TRPV1: variants seen among roughly 807,000 people sequenced by gnomAD.
TRPV1 encodes the protein OTRPC1.
TRPV1 carries 82 observed loss-of-function variants against 82.3 expected under a neutral mutation model. The ratio of observed to expected loss-of-function variants is 1.00; its 90% CI spans 0.83 to 1.20. The LOEUF (loss-of-function observed/expected upper bound fraction) is 1.20. TRPV1 is among the 50% of genes most tolerant of loss of function. The pLI is 0.00. For missense variants in TRPV1, 1,067 were observed against 1,096.8 expected (o/e 0.97, Z 0.38); for synonymous variants, 515 against 467.7 (o/e 1.10, Z -1.30).
In TRPV1 at chr17:3,577,715, G is replaced by C; in HGVS notation, c.1596C>G (p.Ser532Arg). 6.3e-7 allele frequency: 1 copy of C among 1,591,088 alleles called. No homozygotes were observed. Among genetic ancestry groups the C allele is most frequent in the Non-Finnish European group, 8.6e-7 (1 of 1,169,346 alleles). The change falls in exon 12 of 17, where the codon AGC becomes AGG. Residue 532 changes from serine (S) to arginine (R), a missense_variant. Physicochemically the swap from Ser to Arg is moderately radical, Grantham distance 110. Transcript: ENST00000572705. ...TGGAAGCCACATACTCCTTGAGGTG[G>C]CTGAAGTACAGCACCACGGTGGCCA... ...FMLATVVLYF[S>R]HLKEYVASMV...
rs759486575 is a variant in TRPV1, at chr17:3,592,217, C to T, written c.134G>A (p.Ser45Asn). The T allele has an allele frequency of 6.2e-7, 1 of 1,612,774 alleles. No individual in the cohort carries two copies. Residue 45 changes from serine to asparagine, a missense_variant, in exon 3 of 17, where the codon AGC becomes AAC. By Grantham distance (46) the Ser-to-Asn change is conservative. Coordinates refer to ENST00000572705, the MANE Select transcript of TRPV1 (RefSeq NM_080704.4). ...ACCCTTCCCAAAGAGCCGGGTGCGGCTCTTGGCCGTGGAGAGCTGGGGCTT... is the reference window on the plus strand; with the variant it reads ...ACCCTTCCCAAAGAGCCGGGTGCGGTTCTTGGCCGTGGAGAGCTGGGGCTT... ...PAKPQLSTAK[S>N]RTRLFGKGDS...
Position 3,593,120 on chromosome 17 carries a change from G to GTC in TRPV1, c.-33-738_-33-737insGA, listed in dbSNP as rs1567672824. Among the ~76,000 whole-genome samples, 26 of 87,370 alleles carry GTC rather than the reference G, an allele frequency of 3.0e-4. No individual in the cohort carries two copies. The African/African-American group carries it at 3.5e-3, about 12-fold the overall frequency. 57.3% of individuals were successfully genotyped at this position (87,370 alleles called of 152,430 possible). A position where few individuals can be genotyped will look rare whatever the true frequency, so the allele number is the denominator to read the frequency against. ...TGTGTGTGTGTGTGTGTGTGTGTGT[G>GTC]TGTGTGTGTGTGTGTGTCTGTGTGT... On this transcript the variant is annotated intron_variant, in intron 2 of 16. Transcript: ENST00000572705.
At chr17:3,587,320 TGTCGTG>T (rs1399024789) in intron 8 of TRPV1, among the ~76,000 whole-genome samples, 2 of 152,156 alleles carry the variant, frequency 1.3e-5, no homozygotes, top group Non-Finnish European at 2.9e-5. Context: ...ACCTGTGAGA[TGTCGTG>T]GAAGCCCCTC....
Position 3,569,330 on chromosome 17 carries a change from G to A in TRPV1, c.2347+2194C>T, listed in dbSNP as rs1018144142. On this transcript the variant is annotated intron_variant, in intron 16 of 16. Transcript: ENST00000572705. ...TAGTCCCAGGTACTCAGGAGGCTGA[G>A]GTGGGAGGATCACTTGAACCCAGAA... Among the ~76,000 whole-genome samples, 6 of 152,322 alleles carry A rather than the reference G, an allele frequency of 3.9e-5. No homozygotes were observed. The East Asian group carries it at 1.2e-3, about 29-fold the overall frequency.
At chr17:3,588,491 C>A in intron 7 of TRPV1, 124 bp from the exon 8 acceptor site, 1 of 1,092,786 alleles carries the variant, frequency 9.2e-7, no homozygotes, top group Non-Finnish European at 1.3e-6. Context: ...GGCGAGTCCC[C>A]ACCCACTCCT....
At chr17:3,592,486 CA>C in intron 2 of TRPV1, 103 bp from the exon 3 acceptor site, 2 of 1,190,352 alleles carry the variant, frequency 1.7e-6, no homozygotes, top group Non-Finnish European at 2.3e-6. Flanking sequence ...CAGGGTACCC[CA>C]AAACTCCAAC....
chr17:3,597,792 G>A (rs1234914958), intron 2 of TRPV1, among the ~76,000 whole-genome samples: 8 of 150,246 alleles, frequency 5.3e-5, no homozygotes, highest in Non-Finnish European at 1.2e-4. Context: ...TCCTGCCTCA[G>A]CCTCCCGAAT....
chr17:3,602,558 C>A (rs1265132011), intron 2 of TRPV1, among the ~76,000 whole-genome samples: 1 of 152,166 alleles, frequency 6.6e-6, no homozygotes, highest in Non-Finnish European at 1.5e-5. Context: ...TTAATGACTT[C>A]TGGGAGGGAG....
intron 16 of TRPV1, among the ~76,000 whole-genome samples, chr17:3,567,602 C>T (rs1263846508): frequency 6.6e-6 from 1 of 151,864 alleles, no homozygotes; most frequent in Non-Finnish European, 1.5e-5. Flanking sequence ...GCCTCCATCT[C>T]CTCCCTGCCC....
intron 7 of TRPV1, 42 bp downstream of exon 7, chr17:3,589,765 C>CA: frequency 6.4e-7 from 1 of 1,569,508 alleles, no homozygotes; most frequent in Non-Finnish European, 8.6e-7. Context: ...CCCATGCCAT[C>CA]AGCCCCGCAC....
intron 13 of TRPV1, 21 bp from the exon 14 acceptor site, chr17:3,573,976 G>C (rs769356528): frequency 6.4e-7 from 1 of 1,567,394 alleles, no homozygotes; most frequent in Admixed American, 2.0e-5. Context: ...CAGGGAGGGC[G>C]GGGTGCCACT....
intron 9 of TRPV1, among the ~76,000 whole-genome samples, chr17:3,583,717 A>C (rs778334363): frequency 1.3e-5 from 2 of 152,180 alleles, no homozygotes. Flanking sequence ...CTGGGAGCAG[A>C]GTGATGGACA....
At chr17:3,601,424 A>C (rs2075262454) in intron 2 of TRPV1, among the ~76,000 whole-genome samples, 1 of 147,270 alleles carries the variant, frequency 6.8e-6, no homozygotes, top group Non-Finnish European at 1.5e-5. Context: ...ACCGAAACCC[A>C]CCTTCTGTCA....
intron 12 of TRPV1, 123 bp downstream of exon 12, chr17:3,577,475 T>G: frequency 2.4e-6 from 3 of 1,271,750 alleles, no homozygotes; most frequent in Non-Finnish European, 3.3e-6. Flanking sequence ...GAAAATAGGC[T>G]GGGGGGTAAA....
At chr17:3,568,810 G>C (rs964658824) in intron 16 of TRPV1, among the ~76,000 whole-genome samples, 17 of 152,182 alleles carry the variant, frequency 1.1e-4, no homozygotes, top group African/African-American at 4.1e-4. Context: ...GGGAGACCAA[G>C]GTGCGCAGAT....
chr17:3,598,563 C>CT (rs57290148), intron 2 of TRPV1, among the ~76,000 whole-genome samples: 38,582 of 116,740 alleles, frequency 0.33, 8,269 homozygotes, highest in African/African-American at 0.59. Context: ...CGCTTAGTCA[C>CT]TTTTTTTTTT....
chr17:3,567,590 C>T (rs537208020), intron 16 of TRPV1, among the ~76,000 whole-genome samples: 10 of 151,812 alleles, frequency 6.6e-5, no homozygotes, highest in Middle Eastern at 3.2e-3. Flanking sequence ...CTGCCCCTCT[C>T]GGCCTCCATC....
In TRPV1 at chr17:3,585,771, G is replaced by A. The variant is rs2075076716; in HGVS notation, c.1380C>T (p.Gly460=). The change falls in exon 9 of 17, where the codon GGC becomes GGT. Residue 460 remains glycine (G), a synonymous_variant. Transcript: ENST00000572705. ...TMAAYYRPVD[G]LPPFKMEKTG... is the part of the protein sequence containing the mutation. ...AGGCCTGAGCCTCTGGCCGCACCAAGCCATCCACGGGCCTGTAGTAGGCAG... is the reference window on the plus strand; with the variant it reads ...AGGCCTGAGCCTCTGGCCGCACCAAACCATCCACGGGCCTGTAGTAGGCAG... 1 of 1,612,866 alleles carries A rather than the reference G, an allele frequency of 6.2e-7. No individual in the cohort carries two copies. The highest frequency in any genetic ancestry group is 1.3e-5 in the African/African-American group (1 of 75,006).
At chr17:3,591,671 G>T (rs1223034895) in intron 3 of TRPV1, among the ~76,000 whole-genome samples, 1 of 152,152 alleles carries the variant, frequency 6.6e-6, no homozygotes, top group Non-Finnish European at 1.5e-5. Flanking sequence ...GAGGGAGGTG[G>T]AGGCAGGGGT....
Sources: allele counts gnomAD v4.1 joint callset (sites outside exome capture counted in the v4.1 genomes callset), GRCh38; gene constraint gnomAD v4.1.1; transcripts MANE v1.5; gene names NCBI Gene and HGNC (gene_info 2026-07-23, HGNC 2026-07-21).